The following CPAMD8 variants were observed in gnomAD, a reference collection of about 807,000 sequenced individuals.
CPAMD8 encodes the protein C3 and PZP-like alpha-2-macroglobulin domain-containing protein 8.
In CPAMD8, 146 loss-of-function variants were observed where a neutral mutation model predicts 224.7. That is an observed-to-expected ratio of 0.65 (90% confidence interval 0.57 to 0.75). CPAMD8 has a LOEUF of 0.75. Ranked by LOEUF, CPAMD8 falls within the 30% of genes least tolerant of loss-of-function variation. The pLI is 0.00. For missense variants in CPAMD8, 2,301 were observed against 2,537.5 expected (o/e 0.91, Z 2.00); for synonymous variants, 966 against 1,044.6 (o/e 0.92, Z 1.45).
intron 38 of CPAMD8, 35 bp downstream of exon 38, chr19:16,897,854 C>T (rs776309554): frequency 1.3e-6 from 2 of 1,580,604 alleles, no homozygotes; most frequent in East Asian, 2.3e-5. Flanking sequence ...GGTCAGGGAC[C>T]GGGCCGGGCC....
chr19:16,920,349 G>A (rs964546051), intron 27 of CPAMD8, among the ~76,000 whole-genome samples: 5 of 152,102 alleles, frequency 3.3e-5, no homozygotes, highest in African/African-American at 7.2e-5. Context: ...GCGTGGTGGC[G>A]GGCGCCTGTA....
chr19:16,989,910 C>T, intron 12 of CPAMD8, 139 bp from the exon 13 acceptor site: 1 of 793,382 alleles, frequency 1.3e-6, no homozygotes, highest in Non-Finnish European at 2.1e-6. Context: ...CTCCCCAATC[C>T]TCAGGGAGTA....
chr19:16,898,693 CAT>C lies in CPAMD8; in HGVS notation c.4849-701_4849-700del. 6.6e-6 allele frequency among the ~76,000 whole-genome samples: 1 copy of C among 152,258 alleles called. No individual in the cohort carries two copies. The highest frequency in any genetic ancestry group is 2.4e-5 in the African/African-American group (1 of 41,550). On this transcript the variant is annotated intron_variant, in intron 37 of 41. Coordinates refer to ENST00000443236, the MANE Select transcript of CPAMD8 (RefSeq NM_015692.5). This position sits in a 1 kb window ranked among gnomAD's most constrained non-coding sequence, Gnocchi z 4.2. ...TCTGGGCATTTCATGTCAATGGAAT[CAT>C]GTACTCTGTGGCCTTTTGTGTCTGG...
intron 9 of CPAMD8, among the ~76,000 whole-genome samples, chr19:17,000,935 A>G (rs2056292853): frequency 6.6e-6 from 1 of 152,206 alleles, no homozygotes; most frequent in South Asian, 2.1e-4. Context: ...ATGGGACTCA[A>G]ACTACCCTCT....
chr19:16,952,259 G>T (rs1394630360), intron 19 of CPAMD8, 59 bp from the exon 20 acceptor site: 28 of 981,094 alleles, frequency 2.9e-5, no homozygotes, highest in Non-Finnish European at 4.3e-5. Context: ...GCCTCAGGGG[G>T]GCCAGTGGGC....
chr19:16,920,205 C>T (rs1031321645), intron 27 of CPAMD8, among the ~76,000 whole-genome samples: 9 of 152,198 alleles, frequency 5.9e-5, no homozygotes, highest in South Asian at 4.1e-4. Context: ...TTCAGCCATG[C>T]GCGGTGGCTC....
chr19:16,911,646 C>T (rs185446400), intron 29 of CPAMD8, among the ~76,000 whole-genome samples: 206 of 152,050 alleles, frequency 1.4e-3, no homozygotes, highest in African/African-American at 2.7e-3. Context: ...CCCAGGTTCA[C>T]GCCATTCTCC....
Position 16,903,688 on chromosome 19 carries a change from C to T in CPAMD8, c.4407+14G>A, listed in dbSNP as rs1427878769. 6.2e-7 allele frequency: 1 copy of T among 1,614,060 alleles called. No homozygotes were observed. The highest frequency in any genetic ancestry group is 1.1e-5 in the South Asian group (1 of 91,074). The stretch of plus-strand genomic sequence containing the variant: ...CTCCAACAACCCCCAAACCCTCATC[C>T]CAGGAACACGCACCGCTGCTGTCTG... On this transcript the variant is annotated intron_variant, in intron 33 of 41. Coordinates refer to ENST00000443236, the MANE Select transcript of CPAMD8 (RefSeq NM_015692.5).
chr19:16,976,794 C>T (rs951042853), intron 15 of CPAMD8, among the ~76,000 whole-genome samples: 1 of 151,972 alleles, frequency 6.6e-6, no homozygotes, highest in Non-Finnish European at 1.5e-5. Context: ...GTAATCCCAG[C>T]ACTTCGGGAG....
chr19:16,980,785 G>T, intron 13 of CPAMD8, 99 bp from the exon 14 acceptor site: 1 of 949,940 alleles, frequency 1.1e-6, no homozygotes, highest in Non-Finnish European at 1.6e-6. Flanking sequence ...GGTTGGGATG[G>T]CTGAGGGAGC....
At position 17,020,343 on chromosome 19, in the gene CPAMD8, T is replaced by C. The variant is rs1202939677; in HGVS notation, c.255A>G (p.Thr85=). The change falls in exon 3 of 42, where the codon ACA becomes ACG. Residue 85 remains threonine, a synonymous_variant. Transcript: ENST00000443236. Reference sequence around the variant, plus strand: ...ATCAACGGCTTACCTTGAGTTTGATTGTCCCTTTATCTAAAAATGAAAATA... The same window carrying C: ...ATCAACGGCTTACCTTGAGTTTGATCGTCCCTTTATCTAAAAATGAAAATA... ...QSQGAILDKG[T]IKLKVPTGLR... is the part of the protein sequence containing the mutation. The C allele has an allele frequency of 1.9e-6, 3 of 1,586,456 alleles. No individual in the cohort carries two copies. Among genetic ancestry groups the C allele is most frequent in the Admixed American group, 1.7e-5 (1 of 59,764 alleles).
intron 19 of CPAMD8, among the ~76,000 whole-genome samples, chr19:16,954,319 C>T (rs1300662582): frequency 5.6e-5 from 8 of 142,838 alleles, no homozygotes; most frequent in Non-Finnish European, 9.0e-5. Flanking sequence ...GGTGACAGAG[C>T]GAGACTCTAT....
chr19:17,009,645 G>A, intron 5 of CPAMD8: 1 of 216,154 alleles, frequency 4.6e-6, no homozygotes. Context: ...ATGGTCGTGG[G>A]TGCCTGTAGT....
chr19:17,007,208 C>T (rs1043755823), intron 7 of CPAMD8, among the ~76,000 whole-genome samples: 14 of 152,100 alleles, frequency 9.2e-5, no homozygotes, highest in African/African-American at 3.4e-4. Flanking sequence ...GTGGCACGTG[C>T]CTGTAATCCC....
intron 18 of CPAMD8, among the ~76,000 whole-genome samples, chr19:16,961,819 G>A (rs2054668254): frequency 1.3e-5 from 2 of 152,216 alleles, no homozygotes; most frequent in African/African-American, 4.8e-5. Flanking sequence ...AGCTTCCAGA[G>A]GAAGGATCAG....
chr19:16,909,954 C>A (rs1054178054), intron 29 of CPAMD8, among the ~76,000 whole-genome samples: 2 of 151,842 alleles, frequency 1.3e-5, no homozygotes, highest in African/African-American at 4.8e-5. Flanking sequence ...CAGGTTCAAG[C>A]GATTCTCCTG....
intron 21 of CPAMD8, among the ~76,000 whole-genome samples, chr19:16,946,748 T>G (rs1339763197): frequency 6.6e-6 from 1 of 150,774 alleles, no homozygotes; most frequent in South Asian, 2.1e-4. Flanking sequence ...GACGTGTGTG[T>G]GTGGATTTGT....
intron 3 of CPAMD8, among the ~76,000 whole-genome samples, chr19:17,016,230 C>T (rs2056809016): frequency 6.6e-6 from 1 of 152,182 alleles, no homozygotes; most frequent in South Asian, 2.1e-4. Context: ...GCTAGGATTA[C>T]AGGCACCAGT....
intron 22 of CPAMD8, among the ~76,000 whole-genome samples, chr19:16,941,212 C>T (rs959201357): frequency 2.8e-4 from 43 of 152,326 alleles, no homozygotes; most frequent in African/African-American, 1.0e-3. Flanking sequence ...GGATTACAGG[C>T]ATGAGCCACT....
Sources: gnomAD v4.1 joint callset for allele counts (sites outside exome capture counted in the v4.1 genomes callset) on GRCh38, gnomAD v4.1.1 for gene constraint, Gnocchi (gnomAD v3.1) non-coding constraint, MANE v1.5 for transcripts, NCBI Gene and HGNC (gene_info 2026-07-23, HGNC 2026-07-21) for gene names.